Variants in BID observed in about 807,000 individuals in gnomAD.
The protein encoded by BID is BH3-interacting domain death agonist.
Under a neutral mutation model 17.4 loss-of-function variants are expected in BID, and 19 were observed. That is an observed-to-expected ratio of 1.09 (90% confidence interval 0.76 to 1.60). BID has a LOEUF of 1.60. Ranked by LOEUF, BID falls within the 40% of genes most tolerant of loss-of-function variation. The pLI is 0.00. For synonymous variants in BID, 108 were observed against 102.8 expected, an observed-to-expected ratio of 1.05 and a Z score of -0.31; for missense variants, 226 against 256.0, an observed-to-expected ratio of 0.88 and a Z score of 0.80.
chr22:17,748,225 T>G, intron 2 of BID, among the ~76,000 whole-genome samples: 1 of 98,674 alleles, frequency 1.0e-5, no homozygotes. Context: ...ATAATAATAA[T>G]AAGGCCGGGC....
At position 17,760,451 on chromosome 22, in the gene BID, C is replaced by CAA. The variant is rs55817445; in HGVS notation, c.-58-10279_-58-10278dup. 7.2e-4 allele frequency among the ~76,000 whole-genome samples: 22 copies of CAA among 30,700 alleles called. 1 individual carries two copies. Among genetic ancestry groups the CAA allele is most frequent in the East Asian group, 4.0e-3 (4 of 994 alleles). The allele number at this position is 30,700 out of a possible 152,430, so 20.1% of individuals were successfully genotyped here. On this transcript the variant is annotated intron_variant, in intron 1 of 5. Coordinates refer to ENST00000622694, the MANE Select transcript of BID (RefSeq NM_001196.4). The stretch of plus-strand genomic sequence containing the variant: ...TGGGTAACAGAGCAAGACTCTGTCT[C>CAA]AAAAAAAAAAAAAAAAAAAAAAAAA...
intron 1 of BID, among the ~76,000 whole-genome samples, chr22:17,763,003 A>G (rs554190824): frequency 1.3e-5 from 2 of 152,044 alleles, no homozygotes; most frequent in Admixed American, 1.3e-4. Context: ...CAGCCTCCCG[A>G]GTAGCTGGGA....
chr22:17,740,388 G>A (rs1467465947), intron 3 of BID: 5 of 548,320 alleles, frequency 9.1e-6, no homozygotes, highest in East Asian at 3.1e-5. Context: ...GCAGTGAGCC[G>A]TGATTGCACC....
chr22:17,769,845 TC>T lies in BID; in HGVS notation c.-59+4535del, dbSNP rs2061706611. On this transcript the variant is annotated intron_variant, in intron 1 of 5. Transcript: ENST00000622694. This position sits in a 1 kb window ranked among gnomAD's most constrained non-coding sequence, Gnocchi z 4.8. ...AGATGCCAGCTGGTGCAGGAGCCAC[TC>T]CCAGTCCCAATACCAGGCCTGGTCA... Among the ~76,000 whole-genome samples the T allele has an allele frequency of 6.6e-6, 1 of 152,064 alleles. No homozygotes were observed. The highest frequency in any genetic ancestry group is 2.1e-4 in the South Asian group (1 of 4,820).
Position 17,756,447 on chromosome 22 carries a change from C to CT in BID, c.-58-6274dup, listed in dbSNP as rs377375898. Among the ~76,000 whole-genome samples, 5 of 117,956 alleles carry CT rather than the reference C, an allele frequency of 4.2e-5. No homozygotes were observed. The South Asian group carries it at 6.9e-4, about 16-fold the overall frequency. The allele number at this position is 117,956 out of a possible 152,430, so 77.4% of individuals were successfully genotyped here. ...TTCTTTCTTTCTTCTTTCTTTCTTT[C>CT]TTTCTTTCTTTCTTTCTTTCTTTCT... is the stretch of plus-strand genomic sequence containing the variant. On this transcript the variant is annotated intron_variant, in intron 1 of 5. Coordinates refer to ENST00000622694, the MANE Select transcript of BID (RefSeq NM_001196.4).
chr22:17,758,077 C>T (rs1264000228), intron 1 of BID, among the ~76,000 whole-genome samples: 3 of 151,944 alleles, frequency 2.0e-5, no homozygotes, highest in African/African-American at 4.9e-5. Context: ...TGGCCTGTGG[C>T]CTCCTGGGGG....
At position 17,769,965 on chromosome 22, in the gene BID, G is replaced by A. The variant is rs913955082; in HGVS notation, c.-59+4416C>T. ...CATTGTCACAGGAACGGAGCTCCTC[G>A]GGGATGGCCACCTTCCTGGACTTAC... is the stretch of plus-strand genomic sequence containing the variant. On this transcript the variant is annotated intron_variant, in intron 1 of 5. Transcript: ENST00000622694. This position sits in a 1 kb window ranked among gnomAD's most constrained non-coding sequence, Gnocchi z 4.8. Among the ~76,000 whole-genome samples, 4 of 152,124 alleles carry A rather than the reference G, an allele frequency of 2.6e-5. No homozygotes were observed. The highest frequency in any genetic ancestry group is 5.9e-5 in the Non-Finnish European group (4 of 68,002).
chr22:17,752,061 G>T (rs2061543775), intron 1 of BID, among the ~76,000 whole-genome samples: 1 of 152,134 alleles, frequency 6.6e-6, no homozygotes, highest in South Asian at 2.1e-4. Flanking sequence ...ACAACTTCAG[G>T]GGTCTCTGTG....
In BID at chr22:17,773,129, C is replaced by G. The variant is rs2061732866; in HGVS notation, c.-59+1252G>C. ...ACTGCTGACCCCGCATTTCCTCTTCCCTCCCTGGGCAAGAGGGGCAGAAGG... is the reference window on the plus strand; with the variant it reads ...ACTGCTGACCCCGCATTTCCTCTTCGCTCCCTGGGCAAGAGGGGCAGAAGG... On this transcript the variant is annotated intron_variant, in intron 1 of 5. Transcript: ENST00000622694. This position sits in a 1 kb window ranked among gnomAD's most constrained non-coding sequence, Gnocchi z 4.4. Among the ~76,000 whole-genome samples the G allele has an allele frequency of 6.6e-6, 1 of 152,154 alleles. No homozygotes were observed. Among genetic ancestry groups the G allele is most frequent in the South Asian group, 2.1e-4 (1 of 4,822 alleles).
Position 17,739,830 on chromosome 22 carries a change from C to G in BID, c.224-342G>C. ...TCATGGCTCACACCACACAACCCAA[C>G]AGGGTTGGCCTTGGCCTGGGCAGCC... On this transcript the variant is annotated intron_variant, in intron 3 of 5. Transcript: ENST00000622694. 8.4e-6 allele frequency: 5 copies of G among 595,702 alleles called. No individual in the cohort carries two copies. In the Admixed American group the frequency reaches 1.5e-4, roughly 18 times the overall value. The allele number at this position is 595,702 out of a possible 1,614,324, so 36.9% of individuals were successfully genotyped here.
At chr22:17,756,447 CTTTCTTTCTTTCTTTCTTTCTTTCTTTCT>C (rs1310715807) in intron 1 of BID, among the ~76,000 whole-genome samples, 70 of 117,946 alleles carry the variant, frequency 5.9e-4, no homozygotes, top group African/African-American at 2.7e-3. Flanking sequence ...TTCTTTCTTT[CTTTCTTTCTTTCTTTCTTTCTTTCTTTCT>C]TTTCTTTCTT....
At chr22:17,772,848 C>T (rs186607594) in intron 1 of BID, among the ~76,000 whole-genome samples, 1 of 152,280 alleles carries the variant, frequency 6.6e-6, no homozygotes, top group East Asian at 1.9e-4. Context: ...CCTAGAATCC[C>T]CCATACCACC....
chr22:17,757,641 G>A (rs376662739), intron 1 of BID, among the ~76,000 whole-genome samples: 78 of 151,462 alleles, frequency 5.1e-4, no homozygotes, highest in African/African-American at 1.6e-3. Context: ...CCCGGGAGGC[G>A]GAGCTTGCAG....
intron 5 of BID, among the ~76,000 whole-genome samples, chr22:17,736,694 G>A (rs1315404610): frequency 1.3e-5 from 2 of 151,982 alleles, no homozygotes; most frequent in Non-Finnish European, 1.5e-5. Flanking sequence ...TCAGCTCACT[G>A]CAGCCTTGAA....
At chr22:17,767,670 T>C (rs2061688657) in intron 1 of BID, among the ~76,000 whole-genome samples, 1 of 151,804 alleles carries the variant, frequency 6.6e-6, no homozygotes, top group African/African-American at 2.4e-5. Context: ...CACAAACCAA[T>C]GCTCAATCAC....
intron 2 of BID, among the ~76,000 whole-genome samples, chr22:17,749,863 G>GC (rs1227121337): frequency 2.6e-5 from 4 of 152,198 alleles, no homozygotes; most frequent in Non-Finnish European, 5.9e-5. Context: ...AGCCCCAGGC[G>GC]CGGTGTGGAG....
chr22:17,742,616 T>C (rs1253315464), intron 3 of BID, among the ~76,000 whole-genome samples: 1 of 151,802 alleles, frequency 6.6e-6, no homozygotes, highest in East Asian at 1.9e-4. Context: ...AGTGCAACCC[T>C]TGAGCTTGGA....
intron 3 of BID, among the ~76,000 whole-genome samples, chr22:17,742,748 C>T (rs1323188690): frequency 6.6e-6 from 1 of 152,184 alleles, no homozygotes; most frequent in East Asian, 1.9e-4. Context: ...GGAGTAGGGC[C>T]CAAGGCCTGC....
intron 2 of BID, among the ~76,000 whole-genome samples, chr22:17,748,259 C>T (rs2061509340): frequency 6.8e-6 from 1 of 148,096 alleles, no homozygotes; most frequent in Non-Finnish European, 1.5e-5. Flanking sequence ...CCTGTAATCC[C>T]AGCACTTTGG....
Sources: gnomAD v4.1 joint callset for allele counts (sites outside exome capture counted in the v4.1 genomes callset) on GRCh38, gnomAD v4.1.1 for gene constraint, Gnocchi (gnomAD v3.1) non-coding constraint, MANE v1.5 for transcripts, NCBI Gene and HGNC (gene_info 2026-07-23, HGNC 2026-07-21) for gene names.